EPS15: variants seen among roughly 807,000 people sequenced by gnomAD.
EPS15 encodes the protein epidermal growth factor receptor pathway substrate 15, also known as epidermal growth factor receptor substrate 15.
Under a neutral mutation model 113.8 loss-of-function variants are expected in EPS15, and 72 were observed. The ratio of observed to expected loss-of-function variants is 0.63; its 90% CI spans 0.52 to 0.77. EPS15 has a LOEUF of 0.77. EPS15 is among the 30% of genes least tolerant of loss of function. The pLI is 0.00. For synonymous variants in EPS15, 344 were observed against 363.4 expected (o/e 0.95, Z 0.61); for missense variants, 1,048 against 1,045.8 (o/e 1.00, Z -0.03).
rs546555557 is a variant in EPS15, at chr1:51,403,204, T to G, written c.1791+215A>C. On this transcript the variant is annotated intron_variant, in intron 17 of 24. Coordinates refer to ENST00000371733, the MANE Select transcript of EPS15 (RefSeq NM_001981.3). ...AGGCACTTGCCACCACATCCAGCTA[T>G]TAAGAACATTTATTTATTTTATATG... Among the ~76,000 whole-genome samples, 159 of 152,276 alleles carry G rather than the reference T, an allele frequency of 1.0e-3. 1 individual carries two copies. Among genetic ancestry groups the G allele is most frequent in the African/African-American group, 3.7e-3 (154 of 41,570 alleles).
At chr1:51,464,243 T>A (rs113507016) in intron 6 of EPS15, among the ~76,000 whole-genome samples, 5 of 4,182 alleles carry the variant, frequency 1.2e-3, no homozygotes, top group Non-Finnish European at 1.6e-3. Context: ...ATAAATAAAA[T>A]TTTTTTTTTT....
intron 1 of EPS15, among the ~76,000 whole-genome samples, chr1:51,499,062 A>C (rs1049146291): frequency 1.4e-4 from 21 of 152,216 alleles, no homozygotes; most frequent in Non-Finnish European, 2.9e-4. Flanking sequence ...TGCAGCAAGA[A>C]GCATTATCTT....
intron 12 of EPS15, among the ~76,000 whole-genome samples, chr1:51,426,143 T>C (rs1246909618): frequency 6.6e-6 from 1 of 151,950 alleles, no homozygotes; most frequent in Non-Finnish European, 1.5e-5. Flanking sequence ...AGTGGTGATG[T>C]AAGCTATTTG....
At chr1:51,409,507 C>T in intron 14 of EPS15, 28 bp downstream of exon 14, 1 of 1,590,250 alleles carries the variant, frequency 6.3e-7, no homozygotes, top group Non-Finnish European at 8.5e-7. Flanking sequence ...TGTATAGGTG[C>T]AGGCAGCAGG....
intron 1 of EPS15, among the ~76,000 whole-genome samples, chr1:51,484,646 A>C (rs940619825): frequency 1.3e-5 from 2 of 152,234 alleles, no homozygotes; most frequent in Non-Finnish European, 2.9e-5. Context: ...AGATTCAACA[A>C]AACAACTTCT....
At chr1:51,518,979 C>A (rs865810889) in intron 1 of EPS15, among the ~76,000 whole-genome samples, 10 of 151,026 alleles carry the variant, frequency 6.6e-5, no homozygotes, top group Admixed American at 6.6e-5. Flanking sequence ...AGGAGGCGCC[C>A]GACGACCCTG....
At chr1:51,360,581 TAAAG>T (rs1646360540) in intron 24 of EPS15, among the ~76,000 whole-genome samples, 1 of 152,190 alleles carries the variant, frequency 6.6e-6, no homozygotes, top group South Asian at 2.1e-4. Flanking sequence ...GCCCTCCAAA[TAAAG>T]ATTGTTTAAA....
intron 1 of EPS15, among the ~76,000 whole-genome samples, chr1:51,494,583 G>T (rs1277228809): frequency 6.6e-6 from 1 of 152,172 alleles, no homozygotes; most frequent in Non-Finnish European, 1.5e-5. Context: ...ATAAATTCAT[G>T]ATCACTGTAT....
chr1:51,472,689 G>A (rs1339800520), intron 3 of EPS15, among the ~76,000 whole-genome samples, 170 bp downstream of exon 3: 1 of 152,160 alleles, frequency 6.6e-6, no homozygotes, highest in Non-Finnish European at 1.5e-5. Context: ...CTTTTCAAGA[G>A]GGTAAATCAC....
chr1:51,447,732 A>T (rs1362559397), intron 9 of EPS15, among the ~76,000 whole-genome samples: 1 of 152,252 alleles, frequency 6.6e-6, no homozygotes, highest in Non-Finnish European at 1.5e-5. Context: ...AGATCAAAAT[A>T]AAACCAATAA....
chr1:51,371,371 G>T (rs1189096409), intron 21 of EPS15, among the ~76,000 whole-genome samples: 1 of 152,122 alleles, frequency 6.6e-6, no homozygotes, highest in Non-Finnish European at 1.5e-5. Context: ...GACCTTCCAG[G>T]GGGACAAGAT....
chr1:51,370,768 G>A (rs1274781141), intron 21 of EPS15, among the ~76,000 whole-genome samples: 2 of 151,432 alleles, frequency 1.3e-5, no homozygotes, highest in African/African-American at 2.4e-5. Context: ...TTATAGGCAC[G>A]TACCACCATG....
rs1646184784 is a variant in EPS15, at chr1:51,354,833, T to C, written c.*1867A>G. 5.0e-6 allele frequency: 1 copy of C among 200,004 alleles called. No individual in the cohort carries two copies. Among genetic ancestry groups the C allele is most frequent in the African/African-American group, 2.3e-5 (1 of 43,474 alleles). The allele number at this position is 200,004 out of a possible 1,614,324, so 12.4% of individuals were successfully genotyped here. A position where few individuals can be genotyped will look rare whatever the true frequency, so the allele number is the denominator to read the frequency against. ...ATACATTTATTACATTGAAAGTTGG[T>C]GTTTATAAGTTATAGATATTTAATA... On this transcript the variant is annotated 3_prime_UTR_variant, in exon 25 of 25. Coordinates refer to ENST00000371733, the MANE Select transcript of EPS15 (RefSeq NM_001981.3).
At chr1:51,438,671 T>C (rs1652348149) in intron 12 of EPS15, among the ~76,000 whole-genome samples, 1 of 152,162 alleles carries the variant, frequency 6.6e-6, no homozygotes, top group Non-Finnish European at 1.5e-5. Flanking sequence ...ATGGACCATT[T>C]ATGGACCACA....
chr1:51,378,749 A>G (rs1175723405), intron 21 of EPS15, among the ~76,000 whole-genome samples: 1 of 152,194 alleles, frequency 6.6e-6, no homozygotes, highest in Admixed American at 6.5e-5. Context: ...AAAATTTGCC[A>G]ACTTCCTGAA....
At position 51,354,344 on chromosome 1, in the gene EPS15, T is replaced by A. The variant is rs41292515; in HGVS notation, c.*2356A>T. The A allele has an allele frequency of 0.028, 5,038 of 179,798 alleles. 80 individuals are homozygous for A. Among genetic ancestry groups the A allele is most frequent in the African/African-American group, 0.05 (2,114 of 42,444 alleles). The allele number at this position is 179,798 out of a possible 1,614,324, so 11.1% of individuals were successfully genotyped here. On this transcript the variant is annotated 3_prime_UTR_variant, in exon 25 of 25. Transcript: ENST00000371733. ...TATATTAATCTGTGCTGATTGTATG[T>A]ACCTACTCCTCCTTGGACACAGCAT...
At chr1:51,390,181 C>A (rs1647227931) in intron 21 of EPS15, among the ~76,000 whole-genome samples, 1 of 152,138 alleles carries the variant, frequency 6.6e-6, no homozygotes, top group Non-Finnish European at 1.5e-5. Flanking sequence ...ACTATCTGAT[C>A]TTTGACAAAC....
chr1:51,386,987 C>T (rs538199077), intron 21 of EPS15, among the ~76,000 whole-genome samples: 3 of 152,134 alleles, frequency 2.0e-5, no homozygotes, highest in East Asian at 3.9e-4. Flanking sequence ...AGATACTCCT[C>T]GAGAAGAGCA....
intron 20 of EPS15, among the ~76,000 whole-genome samples, chr1:51,395,655 G>A (rs933648097): frequency 6.6e-6 from 1 of 152,116 alleles, no homozygotes; most frequent in African/African-American, 2.4e-5. Flanking sequence ...AGATGCCAGC[G>A]ATTCTGGCTT....
Sources: gnomAD v4.1 joint callset for allele counts (sites outside exome capture counted in the v4.1 genomes callset) on GRCh38, gnomAD v4.1.1 for gene constraint, MANE v1.5 for transcripts, NCBI Gene and HGNC (gene_info 2026-07-23, HGNC 2026-07-21) for gene names.